Variants in RGS7 observed in about 807,000 individuals in gnomAD.
RGS7 encodes regulator of G protein signaling 7.
Under a neutral mutation model 81.1 loss-of-function variants are expected in RGS7, and 27 were observed. The observed-to-expected ratio is 0.33, with a 90% CI of 0.25 to 0.46. RGS7 has a LOEUF of 0.46. Among genes scored for constraint, RGS7 ranks in the 20% least tolerant of loss-of-function variants. The probability of loss-of-function intolerance (pLI) is 1.00; values close to 1 mark genes in which losing one functional copy is unlikely to be tolerated. For synonymous variants in RGS7, 208 were observed against 207.7 expected (o/e 1.00, Z -0.01); for missense variants, 396 against 607.4 (o/e 0.65, Z 3.66).
intron 2 of RGS7, among the ~76,000 whole-genome samples, chr1:241,255,043 T>C (rs1371462742): frequency 6.6e-6 from 1 of 152,196 alleles, no homozygotes; most frequent in Non-Finnish European, 1.5e-5. Context: ...TTTCTAACCC[T>C]GAAGATATAT....
At chr1:240,888,731 A>G (rs1224784277) in intron 6 of RGS7, among the ~76,000 whole-genome samples, 3 of 152,052 alleles carry the variant, frequency 2.0e-5, no homozygotes, top group Admixed American at 6.5e-5. Context: ...TGATGAGGCA[A>G]TTTAGGCTGG....
chr1:240,799,051 C>G (rs1219177252), intron 18 of RGS7, among the ~76,000 whole-genome samples: 4 of 152,120 alleles, frequency 2.6e-5, no homozygotes, highest in African/African-American at 9.7e-5. Flanking sequence ...ATCTAAGATG[C>G]TTGATACAGC....
intron 13 of RGS7, among the ~76,000 whole-genome samples, chr1:240,812,995 C>T (rs187981987): frequency 1.3e-5 from 2 of 152,232 alleles, no homozygotes; most frequent in Admixed American, 1.3e-4. Context: ...ACCAGAAATG[C>T]AATCTAGAGA....
chr1:241,013,190 G>A (rs1189901122), intron 3 of RGS7, among the ~76,000 whole-genome samples: 2 of 151,116 alleles, frequency 1.3e-5, no homozygotes, highest in South Asian at 4.2e-4. Flanking sequence ...AGCCTTCCCA[G>A]TAGCTAGGAT....
chr1:241,005,437 A>G (rs1211193338), intron 3 of RGS7, among the ~76,000 whole-genome samples: 2 of 152,180 alleles, frequency 1.3e-5, no homozygotes, highest in Admixed American at 1.3e-4. Flanking sequence ...TGCCCTGACA[A>G]AAAAAAACTA....
chr1:241,178,911 T>A (rs757447629), intron 2 of RGS7, among the ~76,000 whole-genome samples: 28 of 152,214 alleles, frequency 1.8e-4, no homozygotes, highest in Non-Finnish European at 3.4e-4. Context: ...CTGTGCTATA[T>A]ACTTTCAGTG....
intron 2 of RGS7, among the ~76,000 whole-genome samples, chr1:241,296,446 TA>T (rs999523181): frequency 1.3e-5 from 2 of 152,272 alleles, no homozygotes; most frequent in African/African-American, 2.4e-5. Context: ...TCAAGTGACA[TA>T]AAAAAATTTT....
At position 241,245,965 on chromosome 1, in the gene RGS7, G is replaced by C. The variant is rs938322407; in HGVS notation, c.78+109734C>G. On this transcript the variant is annotated intron_variant, in intron 2 of 18. Coordinates refer to ENST00000440928, the MANE Select transcript of RGS7 (RefSeq NM_001364886.1). ...TAAAAACACAAAAAATTAGCCAGGC[G>C]TGGTGGCGGGCGCCTGTAGTCCCAG... 4.0e-5 allele frequency among the ~76,000 whole-genome samples: 6 copies of C among 151,852 alleles called. No homozygotes were observed. In the East Asian group the frequency reaches 5.8e-4, roughly 15 times the overall value.
intron 2 of RGS7, among the ~76,000 whole-genome samples, chr1:241,195,468 C>T (rs150657123): frequency 0.026 from 3,971 of 151,826 alleles, 172 homozygotes; most frequent in African/African-American, 0.09. Context: ...AAGAGCAAGA[C>T]TCCATCTAAA....
chr1:241,329,744 T>G (rs1243078845), intron 2 of RGS7, among the ~76,000 whole-genome samples: 5 of 152,290 alleles, frequency 3.3e-5, no homozygotes, highest in African/African-American at 1.2e-4. Flanking sequence ...AAGATTTTTT[T>G]TAGCTCTAGG....
At chr1:241,138,879 G>A (rs1347767291) in intron 2 of RGS7, among the ~76,000 whole-genome samples, 2 of 151,814 alleles carry the variant, frequency 1.3e-5, no homozygotes, top group Non-Finnish European at 2.9e-5. Context: ...AAACGCACCA[G>A]GCATTAAGCA....
intron 2 of RGS7, among the ~76,000 whole-genome samples, chr1:241,295,845 T>C (rs2079390649): frequency 6.6e-6 from 1 of 152,104 alleles, no homozygotes; most frequent in African/African-American, 2.4e-5. Flanking sequence ...AGAGAGGACA[T>C]GGTAGATGTG....
At chr1:240,854,319 T>G (rs999854433) in intron 9 of RGS7, among the ~76,000 whole-genome samples, 2 of 152,238 alleles carry the variant, frequency 1.3e-5, no homozygotes, top group African/African-American at 4.8e-5. Flanking sequence ...TGGTCATCTA[T>G]TCCCAGTTTG....
At chr1:241,269,467 C>A (rs1360113395) in intron 2 of RGS7, among the ~76,000 whole-genome samples, 1 of 152,244 alleles carries the variant, frequency 6.6e-6, no homozygotes, top group African/African-American at 2.4e-5. Flanking sequence ...ATAATAGATT[C>A]TTCCAGGTGG....
chr1:241,146,158 G>A (rs1385813180), intron 2 of RGS7, among the ~76,000 whole-genome samples: 1 of 151,892 alleles, frequency 6.6e-6, no homozygotes, highest in Non-Finnish European at 1.5e-5. Context: ...ATGCATCCAC[G>A]GATTCAACTA....
At chr1:240,819,835 C>T (rs1317877308) in intron 10 of RGS7, among the ~76,000 whole-genome samples, 1 of 152,212 alleles carries the variant, frequency 6.6e-6, no homozygotes, top group East Asian at 1.9e-4. Flanking sequence ...AGCCTGGCTA[C>T]TTGCTCTGAA....
chr1:241,201,799 G>C (rs941625831), intron 2 of RGS7, among the ~76,000 whole-genome samples: 81 of 152,144 alleles, frequency 5.3e-4, no homozygotes, highest in African/African-American at 1.9e-3. Context: ...TGGTTCACCC[G>C]AGGTCTTACT....
chr1:240,932,709 C>T (rs113901145), intron 5 of RGS7, among the ~76,000 whole-genome samples: 3,866 of 150,498 alleles, frequency 0.026, 174 homozygotes, highest in African/African-American at 0.089. Flanking sequence ...GGGGTTTCAC[C>T]GTGTTAGCCA....
chr1:241,011,867 C>T (rs1006843479), intron 3 of RGS7, among the ~76,000 whole-genome samples: 91 of 152,192 alleles, frequency 6.0e-4, no homozygotes, highest in African/African-American at 2.1e-3. Flanking sequence ...ATATATCTAT[C>T]TATAAACTAG....
Sources: allele counts gnomAD v4.1 joint callset (sites outside exome capture counted in the v4.1 genomes callset), GRCh38; gene constraint gnomAD v4.1.1; transcripts MANE v1.5; gene names NCBI Gene and HGNC (gene_info 2026-07-23, HGNC 2026-07-21).